PEMT: variants seen among roughly 807,000 people sequenced by gnomAD.
The protein encoded by PEMT is phosphatidylethanolamine N-methyltransferase, also known as phospholipid methyltransferase.
In PEMT, 23 loss-of-function variants were observed where a neutral mutation model predicts 27.4. The observed-to-expected ratio is 0.84, with a 90% CI of 0.60 to 1.19. The LOEUF (loss-of-function observed/expected upper bound fraction) is 1.19, where lower values mean the gene tolerates loss of function less well. PEMT is among the 50% of genes most tolerant of loss of function. The probability of loss-of-function intolerance (pLI) is 0.00; values close to 1 mark genes in which losing one functional copy is unlikely to be tolerated. For missense variants in PEMT, 307 were observed against 310.1 expected, an observed-to-expected ratio of 0.99 and a Z score of 0.07; for synonymous variants, 137 against 139.1, an observed-to-expected ratio of 0.98 and a Z score of 0.11.
intron 2 of PEMT, among the ~76,000 whole-genome samples, chr17:17,549,337 A>C (rs1909485350): frequency 6.6e-6 from 1 of 152,114 alleles, no homozygotes; most frequent in African/African-American, 2.4e-5. Flanking sequence ...CTACAGGCAC[A>C]TGCCACCACA....
chr17:17,577,594 C>T (rs1429591069), intron 1 of PEMT: 1 of 809,134 alleles, frequency 1.2e-6, no homozygotes, highest in African/African-American at 1.9e-5. Flanking sequence ...CTGCCCCCGC[C>T]CCGCCATCAT....
At chr17:17,508,198 G>C (rs901292769) in intron 5 of PEMT, 1 of 152,598 alleles carries the variant, frequency 6.6e-6, no homozygotes, top group African/African-American at 2.4e-5. Flanking sequence ...CTGCAGGGAC[G>C]ACCTGGGTGG....
intron 2 of PEMT, among the ~76,000 whole-genome samples, chr17:17,569,658 T>C (rs1251509502): frequency 6.6e-6 from 1 of 152,218 alleles, no homozygotes; most frequent in East Asian, 1.9e-4. Flanking sequence ...CAGGCAACTC[T>C]GCCTAGAAAT....
chr17:17,582,019 C>G lies in PEMT; in HGVS notation c.97-4992G>C, dbSNP rs111813292. On this transcript the variant is annotated intron_variant, in intron 1 of 6. Coordinates refer to ENST00000255389, the MANE Select transcript of PEMT (RefSeq NM_148172.3). This position sits in a 1 kb window ranked among gnomAD's most constrained non-coding sequence, Gnocchi z 4.9. ...AAAAGAACCAAAAATCCAGGTCAGA[C>G]GTGAGCAGAGTAGGAGAGTCCTGGG... 1.7e-3 allele frequency among the ~76,000 whole-genome samples: 254 copies of G among 152,258 alleles called. 1 individual carries two copies. The highest frequency in any genetic ancestry group is 6.8e-3 in the Middle Eastern group (2 of 294).
intron 3 of PEMT, among the ~76,000 whole-genome samples, chr17:17,518,638 C>G (rs1220550818): frequency 6.6e-6 from 1 of 152,214 alleles, no homozygotes; most frequent in African/African-American, 2.4e-5. Context: ...TGCTGGTGGC[C>G]TCTCGGACAT....
intron 2 of PEMT, among the ~76,000 whole-genome samples, chr17:17,529,565 G>A (rs539614778): frequency 2.6e-5 from 4 of 152,174 alleles, no homozygotes; most frequent in Non-Finnish European, 5.9e-5. Context: ...CAGAGAGCAG[G>A]TCCCAGCACC....
chr17:17,511,042 C>T (rs1463017876), intron 4 of PEMT, among the ~76,000 whole-genome samples: 2 of 152,178 alleles, frequency 1.3e-5, no homozygotes, highest in African/African-American at 4.8e-5. Context: ...GGGACCCCCC[C>T]TATGGCTCCC....
intron 2 of PEMT, among the ~76,000 whole-genome samples, chr17:17,533,675 C>T (rs150468123): frequency 2.0e-3 from 304 of 151,590 alleles, no homozygotes; most frequent in Non-Finnish European, 3.2e-3. Context: ...AGAATGCTCA[C>T]TCCTTGCTAG....
At chr17:17,551,161 T>C (rs1452634992) in intron 2 of PEMT, among the ~76,000 whole-genome samples, 1 of 152,102 alleles carries the variant, frequency 6.6e-6, no homozygotes, top group East Asian at 1.9e-4. Context: ...AATCCTCGAC[T>C]GTTGATGAAG....
At chr17:17,519,206 C>T (rs1907082915) in intron 3 of PEMT, 1 of 152,174 alleles carries the variant, frequency 6.6e-6, no homozygotes, top group Non-Finnish European at 1.5e-5. Flanking sequence ...TCACCAGGGA[C>T]ATGGCAGGAT....
chr17:17,557,554 C>T (rs771398502), intron 2 of PEMT, among the ~76,000 whole-genome samples: 5 of 152,212 alleles, frequency 3.3e-5, no homozygotes, highest in African/African-American at 4.8e-5. Flanking sequence ...CTGCAGCCTC[C>T]GGAGTCAACT....
intron 4 of PEMT, among the ~76,000 whole-genome samples, chr17:17,510,151 G>C (rs1906255213): frequency 6.6e-6 from 1 of 152,160 alleles, no homozygotes; most frequent in Non-Finnish European, 1.5e-5. Context: ...GCCCAGAGGA[G>C]CTAGACCCAG....
chr17:17,549,619 A>T (rs1383067087), intron 2 of PEMT, among the ~76,000 whole-genome samples: 2 of 152,196 alleles, frequency 1.3e-5, no homozygotes, highest in Non-Finnish European at 2.9e-5. Flanking sequence ...CAACCGTGGC[A>T]TTTTTTACCT....
rs370178516 is a variant in PEMT, at chr17:17,591,581, C to T, written c.46G>A (p.Val16Met). The T allele has an allele frequency of 1.2e-5, 20 of 1,613,718 alleles. No individual in the cohort carries two copies. The African/African-American group carries it at 2.3e-4, about 18-fold the overall frequency. ...CCTCCGCAGCAGTCAGGCCCTGCCA[C>T]CGAGCTGTTCGTTACCTCGGCTCCC... ...NPGAEVTNSS[V>M]AGPDCCGGLG... Residue 16 changes from valine to methionine, a missense_variant, in exon 1 of 7, where the codon GTG becomes ATG. Coordinates refer to ENST00000255389, the MANE Select transcript of PEMT (RefSeq NM_148172.3).
chr17:17,528,648 C>G (rs1374171510), intron 2 of PEMT, among the ~76,000 whole-genome samples: 2 of 152,198 alleles, frequency 1.3e-5, no homozygotes, highest in African/African-American at 2.4e-5. Context: ...GGGAGTCTGC[C>G]CATGACTCCT....
chr17:17,554,452 G>A (rs1047438452), intron 2 of PEMT, among the ~76,000 whole-genome samples: 1 of 152,192 alleles, frequency 6.6e-6, no homozygotes, highest in South Asian at 2.1e-4. Flanking sequence ...GGCAGAGTGC[G>A]CGGCCAACAG....
At chr17:17,588,473 G>A (rs1328653808) in intron 1 of PEMT, among the ~76,000 whole-genome samples, 1 of 152,066 alleles carries the variant, frequency 6.6e-6, no homozygotes, top group African/African-American at 2.4e-5. Context: ...TTGCCTTCTT[G>A]AGGACCACCC....
chr17:17,585,195 G>A (rs1003463885), intron 1 of PEMT, among the ~76,000 whole-genome samples: 36 of 152,138 alleles, frequency 2.4e-4, no homozygotes, highest in African/African-American at 7.5e-4. Context: ...AAAATTAGCC[G>A]GGCGTGGTGG....
intron 1 of PEMT, among the ~76,000 whole-genome samples, chr17:17,588,394 G>T (rs1014172779): frequency 9.9e-5 from 15 of 152,116 alleles, no homozygotes; most frequent in African/African-American, 3.4e-4. Flanking sequence ...TCTTACTCGG[G>T]TGCCCATATT....
Sources: allele counts gnomAD v4.1 joint callset (sites outside exome capture counted in the v4.1 genomes callset), GRCh38; gene constraint gnomAD v4.1.1; non-coding constraint Gnocchi (gnomAD v3.1); transcripts MANE v1.5; gene names NCBI Gene and HGNC (gene_info 2026-07-23, HGNC 2026-07-21).